The following GUCD1 variants were observed in gnomAD, a reference collection of about 807,000 sequenced individuals.
GUCD1 encodes the protein guanylyl cyclase domain containing 1.
In GUCD1, 17 loss-of-function variants were observed where a neutral mutation model predicts 28.3. The observed-to-expected ratio is 0.60, with a 90% confidence interval of 0.41 to 0.90. GUCD1 has a LOEUF of 0.90. GUCD1 is among the 40% of genes least tolerant of loss of function. GUCD1 has a pLI of 0.00. For missense variants in GUCD1, 279 were observed against 305.5 expected (o/e 0.91, Z 0.65); for synonymous variants, 129 against 123.3 (o/e 1.05, Z -0.30).
Position 24,541,900 on chromosome 22 carries a change from T to C in GUCD1, c.*1106A>G, listed in dbSNP as rs2044603530. ...CTATTACTGTTTTACTTGAAGGTGA[T>C]TACCCCTCAAAAATGAAAACTTAAA... On this transcript the variant is annotated 3_prime_UTR_variant, in exon 6 of 6. Coordinates refer to ENST00000435822, the MANE Select transcript of GUCD1 (RefSeq NM_001284254.2). The C allele has an allele frequency of 6.6e-6, 1 of 152,214 alleles. No individual in the cohort carries two copies. The highest frequency in any genetic ancestry group is 1.5e-5 in the Non-Finnish European group (1 of 68,052). The allele number at this position is 152,214 out of a possible 1,614,324, so 9.4% of individuals were successfully genotyped here. A position where few individuals can be genotyped will look rare whatever the true frequency, so the allele number is the denominator to read the frequency against.
At chr22:24,554,736 G>A (rs1445221408) in intron 1 of GUCD1, among the ~76,000 whole-genome samples, 2 of 152,232 alleles carry the variant, frequency 1.3e-5, no homozygotes, top group Non-Finnish European at 2.9e-5. Flanking sequence ...TCGCTTCTGG[G>A]GAAGGTGGTG....
At position 24,543,867 on chromosome 22, in the gene GUCD1, G is replaced by A. The variant is rs1308242920; in HGVS notation, c.603C>T (p.Phe201=). 1.9e-6 allele frequency: 3 copies of A among 1,614,052 alleles called. No individual in the cohort carries two copies. Among genetic ancestry groups the A allele is most frequent in the Non-Finnish European group, 2.5e-6 (3 of 1,179,976 alleles). ...GGTCGGCATAGGCTGGGTTGTTGTAGAAGATGCAGCCAGTGGCCCGGTTGT... is the reference window on the plus strand; with the variant it reads ...GGTCGGCATAGGCTGGGTTGTTGTAAAAGATGCAGCCAGTGGCCCGGTTGT... ...RGYNRATGCI[F]YNNPAYADRM... Residue 201 remains phenylalanine (F), a synonymous_variant, in exon 5 of 6, where the codon TTC becomes TTT. Transcript: ENST00000435822.
At chr22:24,555,603 G>A (rs1165546587), upstream of GUCD1, 2 of 1,550,464 alleles carry the variant, frequency 1.3e-6, no homozygotes, top group Non-Finnish European at 1.7e-6. Flanking sequence ...CCTCACTCAG[G>A]GCCCCCCTTA....
chr22:24,543,588 G>T (rs985694743), intron 5 of GUCD1, among the ~76,000 whole-genome samples: 2 of 152,130 alleles, frequency 1.3e-5, no homozygotes, highest in African/African-American at 4.8e-5. Flanking sequence ...CTGGGCAGTG[G>T]CGTGGGGCCT....
At chr22:24,546,801 C>T in intron 4 of GUCD1, 113 bp downstream of exon 4, 1 of 954,302 alleles carries the variant, frequency 1.0e-6, no homozygotes, top group Non-Finnish European at 1.7e-6. Context: ...GCCAGTTCTG[C>T]CTGGCTCCAG....
chr22:24,554,815 A>C, intron 1 of GUCD1, 134 bp downstream of exon 1: 1 of 662,260 alleles, frequency 1.5e-6, no homozygotes, highest in Non-Finnish European at 2.6e-6. Context: ...GGAAACCCCC[A>C]CTGACTGGAA....
At chr22:24,549,417 G>A (rs16978652) in intron 1 of GUCD1, among the ~76,000 whole-genome samples, 14,355 of 152,120 alleles carry the variant, frequency 0.094, 1,592 homozygotes, top group African/African-American at 0.27. Context: ...CTCCAGTATT[G>A]CCCCTCTCAG....
At chr22:24,554,882 G>T in intron 1 of GUCD1, 67 bp downstream of exon 1, 1 of 1,314,648 alleles carries the variant, frequency 7.6e-7, no homozygotes, top group Non-Finnish European at 1.1e-6. Flanking sequence ...ACTGGACCCT[G>T]CCCCGCGCTA....
At chr22:24,544,268 G>C (rs193280550) in intron 4 of GUCD1, among the ~76,000 whole-genome samples, 185 bp from the exon 5 acceptor site, 1 of 150,492 alleles carries the variant, frequency 6.6e-6, no homozygotes, top group Admixed American at 6.6e-5. Flanking sequence ...GGAGACCGGT[G>C]GGGGGGGTGT....
intron 4 of GUCD1, among the ~76,000 whole-genome samples, chr22:24,545,470 C>A (rs904751830): frequency 2.6e-5 from 4 of 152,020 alleles, no homozygotes; most frequent in Non-Finnish European, 5.9e-5. Flanking sequence ...TTTCCTCCCC[C>A]GAGAAGCAGA....
At chr22:24,554,579 A>G (rs1482096776) in intron 1 of GUCD1, among the ~76,000 whole-genome samples, 1 of 152,238 alleles carries the variant, frequency 6.6e-6, no homozygotes, top group Non-Finnish European at 1.5e-5. Flanking sequence ...GAAGAACAAG[A>G]GCAAGACAAA....
At chr22:24,547,037 C>A in intron 3 of GUCD1, 32 bp from the exon 4 acceptor site, 1 of 1,530,816 alleles carries the variant, frequency 6.5e-7, no homozygotes, top group Non-Finnish European at 9.1e-7. Flanking sequence ...GGAGTGGCCA[C>A]CACCCAGGCT....
At chr22:24,549,025 A>C (rs2044803036) in intron 1 of GUCD1, 24 bp from the exon 2 acceptor site, 5 of 1,521,552 alleles carry the variant, frequency 3.3e-6, no homozygotes, top group Non-Finnish European at 4.5e-6. Context: ...GAGGGAGGTC[A>C]CAGACCCTCA....
upstream of GUCD1, chr22:24,555,529 G>T: frequency 6.9e-7 from 1 of 1,441,364 alleles, no homozygotes; most frequent in Non-Finnish European, 9.5e-7. Context: ...ACTGTCTTTA[G>T]GGATAACCCT....
In GUCD1 at chr22:24,554,949, C is replaced by T; in HGVS notation, c.43G>A (p.Gly15Arg). The T allele has an allele frequency of 6.4e-7, 1 of 1,571,352 alleles. No individual in the cohort carries two copies. Among genetic ancestry groups the T allele is most frequent in the East Asian group, 2.5e-5 (1 of 39,742 alleles). The change falls in exon 1 of 6, where the codon GGG becomes AGG. Residue 15 changes from glycine (G) to arginine (R), a missense_variant and splice_region_variant. By Grantham distance (125) the Gly-to-Arg change is moderately radical. Coordinates refer to ENST00000435822, the MANE Select transcript of GUCD1 (RefSeq NM_001284254.2). ...AEAAGPPLEP[G>R]DFVQLPVPVI... The stretch of plus-strand genomic sequence containing the variant: ...ACTGGGCCCACAGAGAGGCACTGAC[C>T]GGGCTCGAGCGGCGGCCCCGCTGCC...
intron 4 of GUCD1, 90 bp from the exon 5 acceptor site, chr22:24,544,173 C>T (rs2044667383): frequency 5.2e-6 from 8 of 1,529,264 alleles, no homozygotes; most frequent in South Asian, 1.2e-5. Context: ...TTCTCTGTTA[C>T]AAAGCTTGGG....
In GUCD1 at chr22:24,544,037, C is replaced by T; in HGVS notation, c.433G>A (p.Val145Met). The change falls in exon 5 of 6, where the codon GTG becomes ATG. Residue 145 changes from valine to methionine, a missense_variant. Coordinates refer to ENST00000435822, the MANE Select transcript of GUCD1 (RefSeq NM_001284254.2). ...CCCGAGTTCACCAGCACGATGGCCA[C>T]ATGGCCCTGAGCCAGGTGCGCCTGG... ...DIQAHLAQGH[V>M]AIVLVNSGVL... 6.2e-7 allele frequency: 1 copy of T among 1,613,334 alleles called. No homozygotes were observed. The highest frequency in any genetic ancestry group is 8.5e-7 in the Non-Finnish European group (1 of 1,179,488).
intron 1 of GUCD1, among the ~76,000 whole-genome samples, chr22:24,554,618 G>C (rs1336970940): frequency 6.6e-6 from 1 of 152,230 alleles, no homozygotes; most frequent in African/African-American, 2.4e-5. Flanking sequence ...CAGGGCACTG[G>C]CCCTTCCATT....
At chr22:24,555,867 T>C, upstream of GUCD1, 1 of 1,524,730 alleles carries the variant, frequency 6.6e-7, no homozygotes, top group Non-Finnish European at 8.8e-7. Flanking sequence ...ACTGGTGCCC[T>C]AGTTTCCCAG....
Sources: gnomAD v4.1 joint callset for allele counts (sites outside exome capture counted in the v4.1 genomes callset) on GRCh38, gnomAD v4.1.1 for gene constraint, MANE v1.5 for transcripts, NCBI Gene and HGNC (gene_info 2026-07-23, HGNC 2026-07-21) for gene names.